ABHD12: variants seen among roughly 807,000 people sequenced by gnomAD.
The protein encoded by ABHD12 is lysophosphatidylserine lipase ABHD12.
ABHD12 carries 43 observed loss-of-function variants against 58.3 expected under a neutral mutation model. That is an observed-to-expected ratio of 0.74 (90% CI 0.58 to 0.95). The LOEUF is 0.95. Among genes scored for constraint, ABHD12 ranks in the 40% least tolerant of loss-of-function variants. The pLI, the probability that ABHD12 is intolerant of heterozygous loss-of-function variation, is 0.00. For synonymous variants in ABHD12, 219 were observed against 211.2 expected, an observed-to-expected ratio of 1.04 and a Z score of -0.32; for missense variants, 539 against 537.2, an observed-to-expected ratio of 1.00 and a Z score of -0.03.
At chr20:25,347,373 G>A (rs1230407347) in intron 1 of ABHD12, among the ~76,000 whole-genome samples, 1 of 152,214 alleles carries the variant, frequency 6.6e-6, no homozygotes, top group Non-Finnish European at 1.5e-5. Flanking sequence ...GTACCAGGAT[G>A]TGTGATTGGG....
chr20:25,390,370 A>C, intron 1 of ABHD12, 143 bp downstream of exon 1: 1 of 842,582 alleles, frequency 1.2e-6, no homozygotes, highest in Non-Finnish European at 1.6e-6. Context: ...AATGCGGGAC[A>C]CAGGCGCGGA....
chr20:25,320,387 T>C, intron 3 of ABHD12, 69 bp from the exon 4 acceptor site: 2 of 1,600,078 alleles, frequency 1.2e-6, no homozygotes, highest in Non-Finnish European at 1.7e-6. Context: ...CGACTGCACG[T>C]GGTGTTACTT....
chr20:25,330,628 G>A (rs1261913481), intron 2 of ABHD12, among the ~76,000 whole-genome samples: 1 of 152,242 alleles, frequency 6.6e-6, no homozygotes, highest in Non-Finnish European at 1.5e-5. Flanking sequence ...AGAACGGGCA[G>A]AATGCCTCCT....
chr20:25,371,361 C>T (rs1000547810), intron 1 of ABHD12, among the ~76,000 whole-genome samples: 7 of 152,294 alleles, frequency 4.6e-5, no homozygotes, highest in Middle Eastern at 3.4e-3. Context: ...GAGGCAGCAG[C>T]AGGCTCTAAT....
intron 1 of ABHD12, among the ~76,000 whole-genome samples, chr20:25,344,356 G>C (rs558344674): frequency 6.6e-6 from 1 of 152,180 alleles, no homozygotes; most frequent in Non-Finnish European, 1.5e-5. Flanking sequence ...TCCAGGATAC[G>C]AGGTTAATAT....
chr20:25,306,185 A>C (rs1052461848), intron 10 of ABHD12, among the ~76,000 whole-genome samples: 8 of 152,080 alleles, frequency 5.3e-5, no homozygotes, highest in African/African-American at 1.9e-4. Flanking sequence ...AAAAACAAAA[A>C]AAAAAAAAAG....
intron 1 of ABHD12, among the ~76,000 whole-genome samples, chr20:25,385,244 G>A (rs1473697994): frequency 1.4e-5 from 2 of 142,822 alleles, no homozygotes; most frequent in African/African-American, 5.2e-5. Flanking sequence ...GGCGGAGGCA[G>A]GAAAATCGCT....
At chr20:25,332,790 G>A (rs2089299446) in intron 2 of ABHD12, among the ~76,000 whole-genome samples, 2 of 97,054 alleles carry the variant, frequency 2.1e-5, no homozygotes, top group East Asian at 2.0e-4. Context: ...CAGAATCTCT[G>A]GGACACATTC....
intron 1 of ABHD12, among the ~76,000 whole-genome samples, chr20:25,345,432 G>T (rs148210328): frequency 4.3e-4 from 65 of 152,236 alleles, no homozygotes; most frequent in African/African-American, 1.5e-3. Context: ...ATCCATGAAA[G>T]AAATATTAAC....
chr20:25,341,378 A>G (rs1417554812), intron 1 of ABHD12, among the ~76,000 whole-genome samples: 1 of 152,232 alleles, frequency 6.6e-6, no homozygotes, highest in Non-Finnish European at 1.5e-5. Flanking sequence ...GATGGGGAAA[A>G]CAGTTTAAAA....
At position 25,308,016 on chromosome 20, in the gene ABHD12, A is replaced by G. The variant is rs764133867; in HGVS notation, c.817T>C (p.Ser273Pro). 1 of 1,609,558 alleles carries G rather than the reference A, an allele frequency of 6.2e-7. No homozygotes were observed. Among genetic ancestry groups the G allele is most frequent in the Non-Finnish European group, 8.5e-7 (1 of 1,175,820 alleles). ...ETPPDALILE[S>P]PFTNIREEAK... ...TCTTCGCGGATATTAGTGAATGGAG[A>G]TTCCAATATAAGGGCATCTGGAGGC... Residue 273 changes from serine (S) to proline (P), a missense_variant, in exon 9 of 13, where the codon TCT becomes CCT. Coordinates refer to ENST00000339157, the MANE Select transcript of ABHD12 (RefSeq NM_001042472.3).
At chr20:25,383,163 C>T (rs900844463) in intron 1 of ABHD12, among the ~76,000 whole-genome samples, 3 of 152,146 alleles carry the variant, frequency 2.0e-5, no homozygotes, top group African/African-American at 7.2e-5. Context: ...GATACTGAAC[C>T]TCGGGAAGGC....
intron 2 of ABHD12, among the ~76,000 whole-genome samples, chr20:25,334,323 G>C (rs1423557083): frequency 2.7e-5 from 4 of 150,898 alleles, no homozygotes; most frequent in Non-Finnish European, 5.9e-5. Flanking sequence ...ACAAATGGAA[G>C]AACATTCCAT....
intron 6 of ABHD12, 40 bp downstream of exon 6, chr20:25,314,885 G>A: frequency 1.2e-6 from 2 of 1,611,164 alleles, no homozygotes; most frequent in Non-Finnish European, 1.7e-6. Flanking sequence ...CCAGCAAGCA[G>A]TGGAATTGTG....
chr20:25,381,047 C>G (rs1436282261), intron 1 of ABHD12, among the ~76,000 whole-genome samples: 1 of 152,210 alleles, frequency 6.6e-6, no homozygotes. Flanking sequence ...GCCTGAGCCC[C>G]TGTCATCTCT....
At chr20:25,342,470 T>C (rs369427404) in intron 1 of ABHD12, among the ~76,000 whole-genome samples, 33 of 152,250 alleles carry the variant, frequency 2.2e-4, no homozygotes, top group South Asian at 2.1e-3. Flanking sequence ...TTTTTTTTTT[T>C]TTTACAAATT....
intron 2 of ABHD12, among the ~76,000 whole-genome samples, chr20:25,331,763 T>G (rs1475162667): frequency 6.6e-6 from 1 of 152,106 alleles, no homozygotes; most frequent in Non-Finnish European, 1.5e-5. Flanking sequence ...GCTGAGAGAT[T>G]GTGTCACCAC....
intron 2 of ABHD12, among the ~76,000 whole-genome samples, chr20:25,330,100 G>A (rs2089244209): frequency 6.6e-6 from 1 of 152,372 alleles, no homozygotes; most frequent in Middle Eastern, 3.4e-3. Flanking sequence ...AGGTCAGTGG[G>A]TACGCGCACC....
chr20:25,377,539 G>A lies in ABHD12; in HGVS notation c.191+12974C>T, dbSNP rs8120268. 6.9e-3 allele frequency among the ~76,000 whole-genome samples: 1,050 copies of A among 152,250 alleles called. 4 individuals are homozygous for A. The highest frequency in any genetic ancestry group is 0.02 in the Middle Eastern group (6 of 294). ...GCTCAGGGCATCACATGGTAATGGGGATCAGAGGAGATGGCCACACTGCCT... is the reference window on the plus strand; with the variant it reads ...GCTCAGGGCATCACATGGTAATGGGAATCAGAGGAGATGGCCACACTGCCT... On this transcript the variant is annotated intron_variant, in intron 1 of 12. Coordinates refer to ENST00000339157, the MANE Select transcript of ABHD12 (RefSeq NM_001042472.3).
Sources: gnomAD v4.1 joint callset for allele counts (sites outside exome capture counted in the v4.1 genomes callset) on GRCh38, gnomAD v4.1.1 for gene constraint, MANE v1.5 for transcripts, NCBI Gene and HGNC (gene_info 2026-07-23, HGNC 2026-07-21) for gene names.